ADGRL3: variants seen among roughly 807,000 people sequenced by gnomAD.
The protein encoded by ADGRL3 is adhesion G protein-coupled receptor L3.
Under a neutral mutation model 153.5 loss-of-function variants are expected in ADGRL3, and 62 were observed. That is an observed-to-expected ratio of 0.40 (90% CI 0.33 to 0.50). The LOEUF is 0.50. Ranked by LOEUF, ADGRL3 falls within the 20% of genes least tolerant of loss-of-function variation. The pLI is 0.47. For synonymous variants in ADGRL3, 710 were observed against 672.5 expected (o/e 1.06, Z -0.86); for missense variants, 1,641 against 1,859.4 (o/e 0.88, Z 2.16).
At chr4:61,379,963 G>T (rs1425952315) in intron 1 of ADGRL3, among the ~76,000 whole-genome samples, 1 of 151,830 alleles carries the variant, frequency 6.6e-6, no homozygotes, top group African/African-American at 2.4e-5. Flanking sequence ...TGGCTTTTTT[G>T]CCTTCAAATT....
At chr4:61,458,814 A>C (rs1260997467) in intron 2 of ADGRL3, among the ~76,000 whole-genome samples, 1 of 151,456 alleles carries the variant, frequency 6.6e-6, no homozygotes, top group African/African-American at 2.4e-5. Flanking sequence ...TTCTCTAGAT[A>C]ATTTATTTTA....
At chr4:61,497,048 G>GT (rs2098327997) in intron 2 of ADGRL3, 73 bp from the exon 3 acceptor site, 1 of 463,398 alleles carries the variant, frequency 2.2e-6, no homozygotes, top group Non-Finnish European at 3.7e-6. Context: ...GGCAATATAT[G>GT]TATTGTATAA....
rs139500815 is a variant in ADGRL3 at position 61,789,375 on chromosome 4, A to G, written c.1400-24434A>G. Among the ~76,000 whole-genome samples the G allele has an allele frequency of 7.4e-4, 113 of 152,282 alleles. 3 individuals carry two copies. The highest frequency in any genetic ancestry group is 1.4e-3 in the South Asian group (7 of 4,832). On this transcript the variant is annotated intron_variant, in intron 8 of 26. Transcript: ENST00000683033. ...GAAGAAATGTTCTGAGGGCTTTACT[A>G]TATGACACACTTGAAGACAGGCCAA...
At chr4:61,951,926 C>G (rs1375366209) in intron 17 of ADGRL3, among the ~76,000 whole-genome samples, 3 of 151,980 alleles carry the variant, frequency 2.0e-5, no homozygotes, top group African/African-American at 7.3e-5. Context: ...TTCAATAAGT[C>G]CTGGTAAAGG....
At chr4:61,764,901 A>G (rs1314639073) in intron 8 of ADGRL3, among the ~76,000 whole-genome samples, 1 of 151,484 alleles carries the variant, frequency 6.6e-6, no homozygotes, top group African/African-American at 2.4e-5. Flanking sequence ...TATTGTGGGG[A>G]TGTTAGAAGA....
At chr4:61,757,297 A>C (rs1399650758) in intron 8 of ADGRL3, among the ~76,000 whole-genome samples, 1 of 151,932 alleles carries the variant, frequency 6.6e-6, no homozygotes, top group African/African-American at 2.4e-5. Flanking sequence ...TCAATTTCAG[A>C]GCCTGTTATT....
At chr4:61,402,575 A>C (rs1027722888) in intron 2 of ADGRL3, among the ~76,000 whole-genome samples, 1 of 152,084 alleles carries the variant, frequency 6.6e-6, no homozygotes, top group African/African-American at 2.4e-5. Flanking sequence ...CAACACTTAT[A>C]GTGTGGAATA....
intron 5 of ADGRL3, among the ~76,000 whole-genome samples, chr4:61,591,824 C>T (rs1004381306): frequency 3.3e-5 from 5 of 151,856 alleles, no homozygotes; most frequent in Non-Finnish European, 7.4e-5. Context: ...CACCTGTAAT[C>T]GCAGCCCTTT....
At chr4:61,951,370 C>G (rs577360929) in intron 17 of ADGRL3, among the ~76,000 whole-genome samples, 1 of 152,154 alleles carries the variant, frequency 6.6e-6, no homozygotes, top group African/African-American at 2.4e-5. Context: ...CCAACCCCTT[C>G]AAAAGTAGGA....
intron 6 of ADGRL3, among the ~76,000 whole-genome samples, chr4:61,681,368 T>C (rs906569675): frequency 8.5e-5 from 13 of 152,142 alleles, no homozygotes; most frequent in Non-Finnish European, 1.5e-4. Flanking sequence ...ACAGTCCAGC[T>C]TTTCTCTTCA....
intron 21 of ADGRL3, among the ~76,000 whole-genome samples, chr4:62,002,837 A>T (rs1581828054): frequency 6.6e-6 from 1 of 152,238 alleles, no homozygotes; most frequent in East Asian, 1.9e-4. Flanking sequence ...CTAATTTAAA[A>T]ATAGTATATG....
intron 4 of ADGRL3, among the ~76,000 whole-genome samples, chr4:61,525,147 A>AAAG (rs56126407): frequency 0.77 from 116,136 of 151,526 alleles, 44,849 homozygotes; most frequent in East Asian, 0.94. Flanking sequence ...GTCATATTTT[A>AAAG]AAGAAGGAAA....
At chr4:61,800,845 A>G (rs1463061088) in intron 8 of ADGRL3, among the ~76,000 whole-genome samples, 1 of 152,160 alleles carries the variant, frequency 6.6e-6, no homozygotes, top group East Asian at 1.9e-4. Context: ...GGATGATGTG[A>G]TGACAGTGTT....
intron 5 of ADGRL3, among the ~76,000 whole-genome samples, chr4:61,662,671 G>C (rs2094640037): frequency 6.6e-6 from 1 of 152,236 alleles, no homozygotes; most frequent in Admixed American, 6.5e-5. Context: ...GTGGAAAGGG[G>C]TGGTTCCCAG....
intron 9 of ADGRL3, among the ~76,000 whole-genome samples, chr4:61,885,850 T>C (rs2098535540): frequency 6.6e-6 from 1 of 152,138 alleles, no homozygotes. Flanking sequence ...CCAAAACTTG[T>C]TGGGAGTACT....
chr4:61,208,426 T>C (rs1216583158), intron 1 of ADGRL3, among the ~76,000 whole-genome samples: 1 of 152,140 alleles, frequency 6.6e-6, no homozygotes, highest in Non-Finnish European at 1.5e-5. Flanking sequence ...ATAACATAAT[T>C]GTTTGCTGCT....
intron 11 of ADGRL3, among the ~76,000 whole-genome samples, chr4:61,904,962 C>T (rs2098688446): frequency 6.6e-6 from 1 of 151,920 alleles, no homozygotes. Flanking sequence ...TGTGTGGTAA[C>T]AAAGACGGAG....
intron 24 of ADGRL3, among the ~76,000 whole-genome samples, chr4:62,042,933 A>G (rs1388186776): frequency 6.6e-6 from 1 of 152,098 alleles, no homozygotes; most frequent in Non-Finnish European, 1.5e-5. Context: ...TTAGCTTTCA[A>G]TAGCACATTT....
In ADGRL3 at chr4:61,869,963, AGAGAG is replaced by A. The variant is rs1561390254; in HGVS notation, c.1481-22692_1481-22688del. Reference sequence around the variant, plus strand: ...AAAAAAAAAAAAAAAAAAAAAAAAGAGAGAGAGAGAGAAAGAGAGAGAGAGAGGGA... The same window carrying A: ...AAAAAAAAAAAAAAAAAAAAAAAAGAAGAGAGAAAGAGAGAGAGAGAGGGA... On this transcript the variant is annotated intron_variant, in intron 9 of 26. Coordinates refer to ENST00000683033, the MANE Select transcript of ADGRL3 (RefSeq NM_001387552.1). 1.1e-3 allele frequency among the ~76,000 whole-genome samples: 102 copies of A among 93,444 alleles called. 1 individual carries two copies. Among genetic ancestry groups the A allele is most frequent in the Non-Finnish European group, 1.6e-3 (74 of 45,798 alleles). The allele number at this position is 93,444 out of a possible 152,430, so 61.3% of individuals were successfully genotyped here.
Sources: gnomAD v4.1 joint callset for allele counts (sites outside exome capture counted in the v4.1 genomes callset) on GRCh38, gnomAD v4.1.1 for gene constraint, MANE v1.5 for transcripts, NCBI Gene and HGNC (gene_info 2026-07-23, HGNC 2026-07-21) for gene names.